Variants in NEK10 observed in about 807,000 individuals in gnomAD.
The protein encoded by NEK10 is serine/threonine-protein kinase Nek10.
NEK10 carries 122 observed loss-of-function variants against 159.8 expected under a neutral mutation model. The observed-to-expected ratio is 0.76, with a 90% CI of 0.66 to 0.89. NEK10 has a LOEUF of 0.89. Among genes scored for constraint, NEK10 ranks in the 40% least tolerant of loss-of-function variants. The probability of loss-of-function intolerance (pLI) is 0.00; values close to 1 mark genes in which losing one functional copy is unlikely to be tolerated. For missense variants in NEK10, 1,342 were observed against 1,323.1 expected, an observed-to-expected ratio of 1.01 and a Z score of -0.22; for synonymous variants, 466 against 457.1, an observed-to-expected ratio of 1.02 and a Z score of -0.25.
At chr3:27,292,089 A>G (rs2043037114) in intron 16 of NEK10, among the ~76,000 whole-genome samples, 2 of 152,202 alleles carry the variant, frequency 1.3e-5, no homozygotes, top group African/African-American at 4.8e-5. Context: ...AGAGGTAAGA[A>G]AAAAACAAAT....
At chr3:27,349,450 A>G (rs1387310924) in intron 3 of NEK10, among the ~76,000 whole-genome samples, 1 of 152,166 alleles carries the variant, frequency 6.6e-6, no homozygotes, top group Non-Finnish European at 1.5e-5. Flanking sequence ...TCATTCAACC[A>G]GGATGGTGTC....
At chr3:27,249,859 T>C (rs1234911253) in intron 23 of NEK10, among the ~76,000 whole-genome samples, 1 of 152,214 alleles carries the variant, frequency 6.6e-6, no homozygotes, top group Admixed American at 6.5e-5. Flanking sequence ...TGATTTAATT[T>C]ATTACTTTTT....
intron 23 of NEK10, among the ~76,000 whole-genome samples, chr3:27,222,566 T>A (rs1952228002): frequency 6.6e-6 from 1 of 152,234 alleles, no homozygotes; most frequent in South Asian, 2.1e-4. Context: ...TTTTAGTTTT[T>A]TCTTGATATG....
chr3:27,330,486 A>C (rs528524702), intron 5 of NEK10, among the ~76,000 whole-genome samples: 3 of 152,364 alleles, frequency 2.0e-5, no homozygotes, highest in African/African-American at 4.8e-5. Flanking sequence ...GAAGGAAAAA[A>C]GCATAAAATT....
chr3:27,166,601 A>C (rs1946507335), intron 29 of NEK10, among the ~76,000 whole-genome samples: 1 of 152,238 alleles, frequency 6.6e-6, no homozygotes, highest in South Asian at 2.1e-4. Context: ...AAAATACACG[A>C]GGTCTTTCCA....
In NEK10 at chr3:27,224,324, G is replaced by T. The variant is rs187273017; in HGVS notation, c.2091-21767C>A. On this transcript the variant is annotated intron_variant, in intron 23 of 35. Coordinates refer to ENST00000691995, the MANE Select transcript of NEK10 (RefSeq NM_001394966.1). ...AGCATGAGTTCCCTCATGGCAGTCTGGTGAGAGCTGTAGCAGCTTCTGTAC... is the reference window on the plus strand; with the variant it reads ...AGCATGAGTTCCCTCATGGCAGTCTTGTGAGAGCTGTAGCAGCTTCTGTAC... Among the ~76,000 whole-genome samples the T allele has an allele frequency of 2.9e-3, 448 of 152,330 alleles. 4 individuals carry two copies. Among genetic ancestry groups the T allele is most frequent in the African/African-American group, 9.1e-3 (380 of 41,592 alleles).
intron 25 of NEK10, among the ~76,000 whole-genome samples, chr3:27,197,049 C>T (rs1347942205): frequency 6.6e-6 from 1 of 152,112 alleles, no homozygotes; most frequent in Non-Finnish European, 1.5e-5. Flanking sequence ...AAGTGATTTG[C>T]ATATGTTACT....
chr3:27,203,874 T>A (rs1371575552), intron 23 of NEK10, among the ~76,000 whole-genome samples: 1 of 152,200 alleles, frequency 6.6e-6, no homozygotes, highest in Admixed American at 6.5e-5. Context: ...AGCATTTTCA[T>A]ATTTAGTGTT....
intron 31 of NEK10, among the ~76,000 whole-genome samples, chr3:27,135,510 A>G (rs1374144752): frequency 6.6e-6 from 1 of 152,224 alleles, no homozygotes; most frequent in African/African-American, 2.4e-5. Flanking sequence ...AATATTGGAA[A>G]AGAATATATA....
At chr3:27,139,317 C>T (rs967123406) in intron 31 of NEK10, among the ~76,000 whole-genome samples, 2 of 152,100 alleles carry the variant, frequency 1.3e-5, no homozygotes, top group Admixed American at 6.5e-5. Context: ...CCTTTCTTTG[C>T]TTGAAAACCC....
intron 5 of NEK10, among the ~76,000 whole-genome samples, chr3:27,344,045 GA>G (rs2047380788): frequency 6.6e-6 from 1 of 152,126 alleles, no homozygotes; most frequent in Non-Finnish European, 1.5e-5. Context: ...AAGAAAACAT[GA>G]TAACGAGTGT....
intron 6 of NEK10, among the ~76,000 whole-genome samples, chr3:27,320,107 A>G (rs2045513076): frequency 6.6e-6 from 1 of 152,178 alleles, no homozygotes; most frequent in Admixed American, 6.5e-5. Context: ...AAAGAGTGCC[A>G]GGGAGGACAG....
intron 24 of NEK10, 25 bp downstream of exon 24, chr3:27,202,403 C>T: frequency 6.3e-7 from 1 of 1,585,058 alleles, no homozygotes; most frequent in Non-Finnish European, 8.6e-7. Context: ...TACACGAGAC[C>T]CTTCTGTCTC....
chr3:27,112,756 C>A (rs1167477361), intron 35 of NEK10, among the ~76,000 whole-genome samples: 1 of 152,158 alleles, frequency 6.6e-6, no homozygotes, highest in African/African-American at 2.4e-5. Flanking sequence ...ATATATGTGG[C>A]CATGAAACTT....
intron 23 of NEK10, among the ~76,000 whole-genome samples, chr3:27,229,580 G>A (rs925842516): frequency 6.6e-6 from 1 of 152,026 alleles, no homozygotes; most frequent in Non-Finnish European, 1.5e-5. Context: ...TACTCAAGGA[G>A]ATAACAGAGG....
At chr3:27,231,298 AATG>A (rs567785654) in intron 23 of NEK10, among the ~76,000 whole-genome samples, 225 of 152,194 alleles carry the variant, frequency 1.5e-3, no homozygotes, top group African/African-American at 5.2e-3. Context: ...ATTTGAAATG[AATG>A]ATAACAGTGA....
intron 3 of NEK10, among the ~76,000 whole-genome samples, chr3:27,349,644 C>T (rs2047826534): frequency 6.6e-6 from 1 of 152,104 alleles, no homozygotes. Context: ...CAAATAAATT[C>T]CTTAGCTTCC....
At chr3:27,252,133 G>T in intron 23 of NEK10, 1 of 369,456 alleles carries the variant, frequency 2.7e-6, no homozygotes, top group East Asian at 7.1e-5. Flanking sequence ...GTGAACAAAG[G>T]AGACGCAAGT....
At chr3:27,211,600 G>T (rs1196052619) in intron 23 of NEK10, among the ~76,000 whole-genome samples, 2 of 152,248 alleles carry the variant, frequency 1.3e-5, no homozygotes, top group East Asian at 1.9e-4. Context: ...ACGAGTGGCA[G>T]CCTACTCTCA....
Sources: allele counts gnomAD v4.1 joint callset (sites outside exome capture counted in the v4.1 genomes callset), GRCh38; gene constraint gnomAD v4.1.1; transcripts MANE v1.5; gene names NCBI Gene and HGNC (gene_info 2026-07-23, HGNC 2026-07-21).